The following BRCA1 variants were observed in gnomAD, a reference collection of about 807,000 sequenced individuals.
The protein encoded by BRCA1 is BRCA1 DNA repair associated.
A neutral mutation model predicts 173.7 loss-of-function variants in BRCA1; 140 were observed. The ratio of observed to expected loss-of-function variants is 0.81; its 90% confidence interval spans 0.70 to 0.93. The LOEUF (loss-of-function observed/expected upper bound fraction) is 0.93, where lower values mean the gene tolerates loss of function less well. Ranked by LOEUF, BRCA1 falls within the 40% of genes least tolerant of loss-of-function variation. The probability of loss-of-function intolerance (pLI) is 0.00; values close to 1 mark genes in which losing one functional copy is unlikely to be tolerated. For synonymous variants in BRCA1, 662 were observed against 756.0 expected (o/e 0.88, Z 2.04); for missense variants, 1,983 against 2,172.5 (o/e 0.91, Z 1.73).
chr17:43,099,667 C>T, intron 7 of BRCA1, 108 bp downstream of exon 7: 1 of 919,576 alleles, frequency 1.1e-6, no homozygotes, highest in Non-Finnish European at 1.8e-6. Context: ...ATTCACTTCC[C>T]AAAGCTGCCT....
intron 3 of BRCA1, among the ~76,000 whole-genome samples, chr17:43,109,841 T>TATAAATAA (rs1046865293): frequency 6.6e-6 from 1 of 151,988 alleles, no homozygotes; most frequent in Non-Finnish European, 1.5e-5. Context: ...TATACAATTA[T>TATAAATAA]ATAAATAATT....
At position 43,091,436 on chromosome 17, in the gene BRCA1, T is replaced by C; in HGVS notation, c.4095A>G (p.Leu1365=). ...AACACAAAAACCTGGTTCCAATACC[T>C]AAGTTTGAATCCATGCTTTGCTCTT... ...NQEEQSMDSN[L]GEAASGCESE... The change falls in exon 10 of 23, where the codon TTA becomes TTG. Residue 1365 remains leucine, a splice_region_variant and synonymous_variant. Transcript: ENST00000357654. 6.2e-7 allele frequency: 1 copy of C among 1,613,988 alleles called. No homozygotes were observed. The highest frequency in any genetic ancestry group is 8.5e-7 in the Non-Finnish European group (1 of 1,179,990).
intron 1 of BRCA1, among the ~76,000 whole-genome samples, chr17:43,152,629 C>T (rs571326928): frequency 1.4e-4 from 22 of 151,798 alleles, no homozygotes; most frequent in Admixed American, 3.9e-4. Context: ...CTGAGGTGGG[C>T]GGATCACAAG....
chr17:43,161,146 T>C (rs2056233444), intron 1 of BRCA1: 1 of 152,372 alleles, frequency 6.6e-6, no homozygotes, highest in African/African-American at 2.4e-5. Flanking sequence ...TGCTAGCAAG[T>C]AGTCGAGAGC....
rs748839289 is a variant in BRCA1, at chr17:43,082,469, G to A, written c.4292C>T (p.Ser1431Phe). Residue 1431 changes from serine to phenylalanine, a missense_variant, in exon 12 of 23, where the codon TCC becomes TTC. Coordinates refer to ENST00000357654, the MANE Select transcript of BRCA1 (RefSeq NM_007294.4). ...HGSQPSNSYP[S>F]IISDSSALED... is the part of the protein sequence containing the mutation. ...AAGGGCAGAAGAGTCACTTATGATG[G>A]AAGGGTAGCTGTTAGAAGGCTGGCT... 2 of 1,614,148 alleles carry A rather than the reference G, an allele frequency of 1.2e-6. No individual in the cohort carries two copies. The highest frequency in any genetic ancestry group is 1.1e-5 in the South Asian group (1 of 91,078).
At chr17:43,083,727 A>C (rs1263632768) in intron 11 of BRCA1, among the ~76,000 whole-genome samples, 2 of 152,172 alleles carry the variant, frequency 1.3e-5, no homozygotes, top group Non-Finnish European at 2.9e-5. Flanking sequence ...TTTTAAAATA[A>C]TGAGTTCTTT....
At chr17:43,150,990 C>T (rs9898621) in intron 1 of BRCA1, among the ~76,000 whole-genome samples, 2,145 of 152,182 alleles carry the variant, frequency 0.014, 39 homozygotes, top group African/African-American at 0.049. Context: ...GGTGGCTGTG[C>T]CCATCAAACA....
intron 1 of BRCA1, among the ~76,000 whole-genome samples, chr17:43,146,849 A>G (rs748743364): frequency 1.3e-5 from 2 of 152,154 alleles, no homozygotes; most frequent in African/African-American, 2.4e-5. Context: ...CCCTGGGATA[A>G]GAATAACAAT....
intron 1 of BRCA1, among the ~76,000 whole-genome samples, chr17:43,133,400 G>C (rs1037727319): frequency 1.3e-5 from 2 of 152,118 alleles, no homozygotes; most frequent in African/African-American, 4.8e-5. Flanking sequence ...TGACTCTTTA[G>C]GGGCTTAGGA....
At position 43,093,466 on chromosome 17, in the gene BRCA1, T is replaced by C. The variant is rs876660188; in HGVS notation, c.2065A>G (p.Ser689Gly). 2 of 1,614,118 alleles carry C rather than the reference T, an allele frequency of 1.2e-6. No individual in the cohort carries two copies. The highest frequency in any genetic ancestry group is 1.7e-6 in the Non-Finnish European group (2 of 1,179,992). Residue 689 changes from serine (S) to glycine (G), a missense_variant, in exon 10 of 23, where the codon AGT becomes GGT. Ser to Gly is a moderately conservative substitution (Grantham distance 56). Transcript: ENST00000357654. ...KKSNKPNEQT[S>G]KRHDSDTFPE... ...AAAGTATCGCTGTCATGTCTTTTAC[T>C]TGTCTGTTCATTTGGCTTGTTACTC...
chr17:43,096,275 G>A (rs2054131765), intron 8 of BRCA1, among the ~76,000 whole-genome samples: 1 of 151,058 alleles, frequency 6.6e-6, no homozygotes, highest in Non-Finnish European at 1.5e-5. Context: ...TACTAGAGAG[G>A]CTGAGGCAGG....
intron 19 of BRCA1, among the ~76,000 whole-genome samples, chr17:43,054,051 G>A (rs2051360562): frequency 6.6e-6 from 1 of 151,854 alleles, no homozygotes; most frequent in Non-Finnish European, 1.5e-5. Context: ...GTGACATTTA[G>A]TATTTTCAGA....
intron 4 of BRCA1, among the ~76,000 whole-genome samples, chr17:43,105,441 A>T (rs8176133): frequency 1.3e-5 from 2 of 151,716 alleles, no homozygotes; most frequent in South Asian, 4.2e-4. Context: ...GGGTCTCACT[A>T]TGTTGCCCAG....
At position 43,092,868 on chromosome 17, in the gene BRCA1, T is replaced by A. The variant is rs876658843; in HGVS notation, c.2663A>T (p.His888Leu). The A allele has an allele frequency of 1.2e-6, 2 of 1,614,030 alleles. No homozygotes were observed. The highest frequency in any genetic ancestry group is 1.7e-6 in the Non-Finnish European group (2 of 1,180,008). The stretch of plus-strand genomic sequence containing the variant: ...ACTTTGTTTCTTTAAGGACCCAGAG[T>A]GGGCAGAGAATGTTGCACATTCCTC... ...AEEECATFSA[H>L]SGSLKKQSPK... The change falls in exon 10 of 23, where the codon CAC (histidine) becomes CTC (leucine). Residue 888 changes from histidine to leucine, a missense_variant. Coordinates refer to ENST00000357654, the MANE Select transcript of BRCA1 (RefSeq NM_007294.4).
chr17:43,115,261 T>C (rs1236602191), intron 3 of BRCA1, among the ~76,000 whole-genome samples: 2 of 152,174 alleles, frequency 1.3e-5, no homozygotes, highest in African/African-American at 4.8e-5. Context: ...CCCAGAACTT[T>C]GGGAGGCCGA....
In BRCA1 at chr17:43,068,093, C is replaced by T. The variant is rs1214390058; in HGVS notation, c.4987-398G>A. On this transcript the variant is annotated intron_variant, in intron 15 of 22. Coordinates refer to ENST00000357654, the MANE Select transcript of BRCA1 (RefSeq NM_007294.4). ...GAGATCGAGACCATCCTGGCTAACA[C>T]GGTGAAACCCTGTCTCTACTAAAAA... Among the ~76,000 whole-genome samples the T allele has an allele frequency of 2.6e-5, 4 of 151,222 alleles. No individual in the cohort carries two copies. The South Asian group carries it at 6.3e-4, about 24-fold the overall frequency.
intron 14 of BRCA1, among the ~76,000 whole-genome samples, chr17:43,073,191 A>G (rs376173321): frequency 2.6e-5 from 4 of 151,948 alleles, no homozygotes; most frequent in East Asian, 3.9e-4. Context: ...TATCTTTTTT[A>G]TTCCCTATAT....
chr17:43,114,929 T>C (rs2055193972), intron 3 of BRCA1, among the ~76,000 whole-genome samples: 1 of 152,162 alleles, frequency 6.6e-6, no homozygotes, highest in Admixed American at 6.6e-5. Context: ...AAAGACAAGA[T>C]CATCAAATAC....
Position 43,145,331 on chromosome 17 carries a change from T to TTC in BRCA1, c.-19-21217_-19-21216insGA, listed in dbSNP as rs199849427. 403 of 333,756 alleles carry TTC rather than the reference T, an allele frequency of 1.2e-3. 6 individuals are homozygous for TTC. The highest frequency in any genetic ancestry group is 1.6e-3 in the South Asian group (56 of 34,416). 20.7% of individuals were successfully genotyped at this position (333,756 alleles called of 1,614,324 possible). On this transcript the variant is annotated intron_variant, in intron 1 of 7. Coordinates refer to the BRCA1 transcript ENST00000634433. ...ATTCAGAGGAATTTTTTTTCTTTCT[T>TTC]TTTTTTTTTTTTTGAGACAGAGTCT...
Sources: allele counts gnomAD v4.1 joint callset (sites outside exome capture counted in the v4.1 genomes callset), GRCh38; gene constraint gnomAD v4.1.1; transcripts MANE v1.5; gene names NCBI Gene and HGNC (gene_info 2026-07-23, HGNC 2026-07-21).